SORCS3: variants seen among roughly 807,000 people sequenced by gnomAD.
The protein encoded by SORCS3 is sortilin related VPS10 domain containing receptor 3, also known as VPS10 domain-containing receptor SorCS3.
SORCS3 carries 57 observed loss-of-function variants against 146.3 expected under a neutral mutation model. That is an observed-to-expected ratio of 0.39 (90% CI 0.31 to 0.49). The LOEUF (loss-of-function observed/expected upper bound fraction) is 0.49. Among genes scored for constraint, SORCS3 ranks in the 20% least tolerant of loss-of-function variants. SORCS3 has a pLI of 0.92. For missense variants in SORCS3, 1,341 were observed against 1,575.5 expected (o/e 0.85, Z 2.52); for synonymous variants, 653 against 618.5 (o/e 1.06, Z -0.83).
At chr10:104,871,641 A>C (rs1480694469) in intron 2 of SORCS3, among the ~76,000 whole-genome samples, 1 of 152,132 alleles carries the variant, frequency 6.6e-6, no homozygotes, top group Non-Finnish European at 1.5e-5. Flanking sequence ...TCTGAGTGAG[A>C]TTATGCTTTG....
At chr10:105,236,939 T>A (rs906243645) in intron 20 of SORCS3, among the ~76,000 whole-genome samples, 2 of 152,134 alleles carry the variant, frequency 1.3e-5, no homozygotes, top group African/African-American at 4.8e-5. Flanking sequence ...TCAATCTATC[T>A]ATCTATCTAT....
chr10:104,958,365 C>T (rs530281402), intron 3 of SORCS3, among the ~76,000 whole-genome samples: 13 of 152,218 alleles, frequency 8.5e-5, no homozygotes, highest in Admixed American at 7.2e-4. Flanking sequence ...GCAGAATAAC[C>T]ACCTCCCTGC....
At chr10:104,802,885 T>C (rs569002215) in intron 1 of SORCS3, among the ~76,000 whole-genome samples, 23 of 152,338 alleles carry the variant, frequency 1.5e-4, no homozygotes, top group Non-Finnish European at 2.5e-4. Flanking sequence ...GCTTCTGTTA[T>C]CATGAAACCC....
chr10:104,693,375 A>G (rs1446182016), intron 1 of SORCS3, among the ~76,000 whole-genome samples: 1 of 152,204 alleles, frequency 6.6e-6, no homozygotes, highest in Admixed American at 6.5e-5. Context: ...GAGGATAGAG[A>G]GTATCCGAGA....
At chr10:105,041,099 A>C (rs1251805464) in intron 4 of SORCS3, among the ~76,000 whole-genome samples, 1 of 147,788 alleles carries the variant, frequency 6.8e-6, no homozygotes, top group Non-Finnish European at 1.5e-5. Flanking sequence ...TTATATATAT[A>C]TATAAAATGG....
At chr10:105,004,280 G>T (rs947311764) in intron 4 of SORCS3, among the ~76,000 whole-genome samples, 2 of 152,182 alleles carry the variant, frequency 1.3e-5, no homozygotes, top group Non-Finnish European at 2.9e-5. Flanking sequence ...GTTGACCTTG[G>T]CTGGAATTTC....
chr10:104,890,073 C>T (rs888446608), intron 2 of SORCS3, among the ~76,000 whole-genome samples: 1 of 152,018 alleles, frequency 6.6e-6, no homozygotes, highest in Admixed American at 6.6e-5. Flanking sequence ...TTCCATATAT[C>T]TTTTTTTCTA....
chr10:104,842,352 G>C (rs1192631435), intron 1 of SORCS3, among the ~76,000 whole-genome samples: 2 of 152,224 alleles, frequency 1.3e-5, no homozygotes, highest in Non-Finnish European at 2.9e-5. Flanking sequence ...TTTACAGACA[G>C]AATCAGGACC....
At chr10:105,017,129 C>T (rs956891731) in intron 4 of SORCS3, among the ~76,000 whole-genome samples, 3 of 150,536 alleles carry the variant, frequency 2.0e-5, no homozygotes, top group Non-Finnish European at 4.4e-5. Context: ...CAAAGTTATT[C>T]GTTATAATGA....
intron 13 of SORCS3, among the ~76,000 whole-genome samples, chr10:105,172,510 A>G (rs1471395484): frequency 6.6e-6 from 1 of 152,156 alleles, no homozygotes; most frequent in Non-Finnish European, 1.5e-5. Context: ...CTATCTAACT[A>G]CATTCTGTCT....
chr10:104,849,654 G>C (rs2018252737), intron 2 of SORCS3, among the ~76,000 whole-genome samples: 1 of 152,182 alleles, frequency 6.6e-6, no homozygotes, highest in African/African-American at 2.4e-5. Flanking sequence ...TGATAATAAA[G>C]TCTATCTCAT....
chr10:104,781,306 T>G (rs961915598), intron 1 of SORCS3, among the ~76,000 whole-genome samples: 1 of 152,230 alleles, frequency 6.6e-6, no homozygotes, highest in Admixed American at 6.5e-5. Flanking sequence ...TGTGATGCCA[T>G]GGCCAGGACT....
intron 12 of SORCS3, 41 bp from the exon 13 acceptor site, chr10:105,167,217 A>G (rs747128585): frequency 6.8e-7 from 1 of 1,464,048 alleles, no homozygotes; most frequent in Non-Finnish European, 9.6e-7. Flanking sequence ...TGCAAATGTA[A>G]GGTGTTGCTA....
At chr10:104,995,799 T>C (rs73334034) in intron 4 of SORCS3, among the ~76,000 whole-genome samples, 1 of 152,162 alleles carries the variant, frequency 6.6e-6, no homozygotes. Flanking sequence ...ATCATATTAT[T>C]TGAGTCATAT....
intron 1 of SORCS3, among the ~76,000 whole-genome samples, chr10:104,684,641 A>T (rs972872345): frequency 6.6e-6 from 1 of 151,756 alleles, no homozygotes; most frequent in Non-Finnish European, 1.5e-5. Flanking sequence ...GTTTTTTTTC[A>T]CTGCTTCTGT....
intron 11 of SORCS3, among the ~76,000 whole-genome samples, chr10:105,160,584 G>A (rs1184268153): frequency 3.3e-4 from 50 of 152,136 alleles, no homozygotes. Flanking sequence ...CCAAGGTGGT[G>A]CCACTGCACT....
intron 3 of SORCS3, among the ~76,000 whole-genome samples, chr10:104,927,560 GT>G (rs1164550801): frequency 6.6e-6 from 1 of 152,170 alleles, no homozygotes. Context: ...GATCATGGGA[GT>G]TTTACACTTT....
At chr10:104,777,325 G>A (rs2133488533) in intron 1 of SORCS3, among the ~76,000 whole-genome samples, 1 of 152,302 alleles carries the variant, frequency 6.6e-6, no homozygotes, top group Admixed American at 6.5e-5. Flanking sequence ...TCCTCCGGGG[G>A]TAGCTGCACA....
At chr10:105,084,952 G>A (rs527574926) in intron 5 of SORCS3, among the ~76,000 whole-genome samples, 7 of 151,900 alleles carry the variant, frequency 4.6e-5, no homozygotes, top group African/African-American at 1.5e-4. Flanking sequence ...GGATGGTCTC[G>A]ATCTCCTGAC....
Sources: gnomAD v4.1 joint callset for allele counts (sites outside exome capture counted in the v4.1 genomes callset) on GRCh38, gnomAD v4.1.1 for gene constraint, MANE v1.5 for transcripts, NCBI Gene and HGNC (gene_info 2026-07-23, HGNC 2026-07-21) for gene names.